The following AOPEP variants were observed in gnomAD, a reference collection of about 807,000 sequenced individuals.
The protein encoded by AOPEP is aminopeptidase O.
Under a neutral mutation model 98.1 loss-of-function variants are expected in AOPEP, and 77 were observed. The observed-to-expected ratio is 0.78, with a 90% CI of 0.65 to 0.95. The LOEUF (loss-of-function observed/expected upper bound fraction) is 0.95, where lower values mean the gene tolerates loss of function less well. AOPEP is among the 40% of genes least tolerant of loss of function. AOPEP has a pLI of 0.00. For missense variants in AOPEP, 1,024 were observed against 1,024.7 expected (o/e 1.00, Z 0.01); for synonymous variants, 346 against 365.3 (o/e 0.95, Z 0.60).
intron 5 of AOPEP, among the ~76,000 whole-genome samples, chr9:94,913,198 A>G (rs897695345): frequency 3.9e-5 from 6 of 152,246 alleles, no homozygotes; most frequent in African/African-American, 1.4e-4. Flanking sequence ...TGAGCTGTAG[A>G]TATCCAATAA....
At chr9:95,074,854 C>T (rs1326522889) in intron 14 of AOPEP, among the ~76,000 whole-genome samples, 1 of 152,244 alleles carries the variant, frequency 6.6e-6, no homozygotes, top group Non-Finnish European at 1.5e-5. Flanking sequence ...TGCTTGTCTG[C>T]TGCCCAGCGT....
At chr9:95,089,410 G>C (rs951721357), downstream of AOPEP, among the ~76,000 whole-genome samples, 1 of 152,214 alleles carries the variant, frequency 6.6e-6, no homozygotes, top group Non-Finnish European at 1.5e-5. Flanking sequence ...GATGAAGACG[G>C]GCTGTCTGGA....
chr9:94,745,685 C>G (rs937178288), intron 1 of AOPEP, among the ~76,000 whole-genome samples: 6 of 152,284 alleles, frequency 3.9e-5, no homozygotes, highest in Middle Eastern at 3.4e-3. Flanking sequence ...CATATTGTTG[C>G]AAATGACAGG....
At chr9:94,763,372 C>T (rs1317022819) in intron 2 of AOPEP, 1 of 238,352 alleles carries the variant, frequency 4.2e-6, no homozygotes, top group Non-Finnish European at 8.6e-6. Flanking sequence ...CATTTCCCAC[C>T]TGTACTGTAT....
the AOPEP span, chr9:95,110,508 G>A: frequency 9.7e-7 from 1 of 1,030,584 alleles, no homozygotes; most frequent in Non-Finnish European, 1.2e-6. Flanking sequence ...ACATACGTGG[G>A]TTATAATTTT....
chr9:94,808,327 A>G (rs1285312361), intron 5 of AOPEP, among the ~76,000 whole-genome samples: 1 of 152,248 alleles, frequency 6.6e-6, no homozygotes, highest in Non-Finnish European at 1.5e-5. Context: ...GGCGTGAGCC[A>G]CCGTGCCCAG....
chr9:94,729,625 C>A (rs1028462667), intron 1 of AOPEP, among the ~76,000 whole-genome samples: 3 of 151,710 alleles, frequency 2.0e-5, no homozygotes, highest in Non-Finnish European at 2.9e-5. Flanking sequence ...CAGGGAGTCT[C>A]TACTTCTGAA....
chr9:95,024,205 T>C (rs568289104), intron 13 of AOPEP, among the ~76,000 whole-genome samples: 27 of 152,340 alleles, frequency 1.8e-4, no homozygotes, highest in Middle Eastern at 6.8e-3. Context: ...GATCCCTGCT[T>C]TTCCTTGAGA....
At chr9:94,901,776 C>G (rs1469230178) in intron 5 of AOPEP, among the ~76,000 whole-genome samples, 2 of 152,020 alleles carry the variant, frequency 1.3e-5, no homozygotes, top group African/African-American at 2.4e-5. Flanking sequence ...CCCGTCCTTA[C>G]TAAAAATACA....
chr9:95,095,676 G>A, the AOPEP span, among the ~76,000 whole-genome samples: 3 of 152,270 alleles, frequency 2.0e-5, no homozygotes, highest in African/African-American at 4.8e-5. Flanking sequence ...AGGGAGATGC[G>A]TGGGGGGTCC....
chr9:95,093,037 G>C, the AOPEP span, among the ~76,000 whole-genome samples: 1 of 152,364 alleles, frequency 6.6e-6, no homozygotes, highest in East Asian at 1.9e-4. Flanking sequence ...CCGTTTCAGT[G>C]ATTGCTGATG....
chr9:95,063,634 T>G (rs150251151), intron 14 of AOPEP, among the ~76,000 whole-genome samples: 1 of 152,362 alleles, frequency 6.6e-6, no homozygotes, highest in African/African-American at 2.4e-5. Flanking sequence ...GTTTGGTTGA[T>G]ATGCTTAATA....
At chr9:94,919,353 C>T (rs1245539037) in intron 5 of AOPEP, among the ~76,000 whole-genome samples, 1 of 152,152 alleles carries the variant, frequency 6.6e-6, no homozygotes, top group Admixed American at 6.5e-5. Context: ...TCCTCAGCCT[C>T]CCGTTTAAAG....
chr9:94,800,904 T>A lies in AOPEP; in HGVS notation c.1266T>A (p.Pro422=). Residue 422 remains proline (P), a synonymous_variant, in exon 5 of 17, where the codon CCT becomes CCA. Transcript: ENST00000375315. ...CQETLLRLIP[P]CLSAAHSVLG... ...AGACCCTTCTGCGGCTGATCCCTCC[T>A]TGCCTCTCAGCAGCACATTCTGTTC... 3 of 1,614,128 alleles carry A rather than the reference T, an allele frequency of 1.9e-6. No individual in the cohort carries two copies. The highest frequency in any genetic ancestry group is 2.5e-6 in the Non-Finnish European group (3 of 1,180,026).
chr9:94,910,102 A>G (rs139589286), intron 5 of AOPEP, among the ~76,000 whole-genome samples: 162 of 152,302 alleles, frequency 1.1e-3, no homozygotes, highest in African/African-American at 3.8e-3. Flanking sequence ...GTCCCTGCCT[A>G]GATGGACACT....
At chr9:94,733,180 C>T (rs1830960340) in intron 1 of AOPEP, among the ~76,000 whole-genome samples, 1 of 147,894 alleles carries the variant, frequency 6.8e-6, no homozygotes, top group African/African-American at 2.5e-5. Context: ...GATCACAACT[C>T]ATTGCAAGCT....
At chr9:95,127,120 G>C in the AOPEP span, 1 of 154,270 alleles carries the variant, frequency 6.5e-6, no homozygotes, top group African/African-American at 2.4e-5. Context: ...GCGTTAAGAT[G>C]AAAAGGGGGT....
In AOPEP at chr9:94,749,005, G is replaced by A. The variant is rs1184010682; in HGVS notation, c.-135-10644G>A. On this transcript the variant is annotated intron_variant, in intron 1 of 16. Coordinates refer to ENST00000375315, the MANE Select transcript of AOPEP (RefSeq NM_001193329.3). Reference sequence around the variant, plus strand: ...ATAATTAAGTTTGGCCTATATTCAAGGGGAAAGGAATTAAGTTCTACATCT... The same window carrying A: ...ATAATTAAGTTTGGCCTATATTCAAAGGGAAAGGAATTAAGTTCTACATCT... Among the ~76,000 whole-genome samples, 4 of 152,156 alleles carry A rather than the reference G, an allele frequency of 2.6e-5. No individual in the cohort carries two copies. In the East Asian group the frequency reaches 7.7e-4, roughly 29 times the overall value.
the AOPEP span, among the ~76,000 whole-genome samples, chr9:95,141,985 G>GTTTT: frequency 0.017 from 1,385 of 82,790 alleles, 11 homozygotes; most frequent in African/African-American, 0.019. Context: ...AGTTTGTGGG[G>GTTTT]TTTTTTTTTT....
Sources: gnomAD v4.1 joint callset for allele counts (sites outside exome capture counted in the v4.1 genomes callset) on GRCh38, gnomAD v4.1.1 for gene constraint, MANE v1.5 for transcripts, NCBI Gene and HGNC (gene_info 2026-07-23, HGNC 2026-07-21) for gene names.